The following RAD51B variants were observed in gnomAD, a reference collection of about 807,000 sequenced individuals.
RAD51B encodes RAD51 paralog B, also known as DNA repair protein RAD51 homolog 2.
RAD51B carries 38 observed loss-of-function variants against 42.2 expected under a neutral mutation model. The observed-to-expected ratio is 0.90, with a 90% confidence interval of 0.70 to 1.18. The LOEUF is 1.18. Ranked by LOEUF, RAD51B falls within the 50% of genes most tolerant of loss-of-function variation. RAD51B has a pLI of 0.00. For missense variants in RAD51B, 373 were observed against 400.7 expected, an observed-to-expected ratio of 0.93 and a Z score of 0.59; for synonymous variants, 154 against 145.2, an observed-to-expected ratio of 1.06 and a Z score of -0.43.
intron 5 of RAD51B, among the ~76,000 whole-genome samples, chr14:67,866,219 A>G (rs1321147255): frequency 1.3e-5 from 2 of 152,246 alleles, no homozygotes; most frequent in Non-Finnish European, 2.9e-5. Context: ...TTATTGATCA[A>G]TTGCTGTGTG....
chr14:67,962,986 T>C (rs955963274), intron 7 of RAD51B, among the ~76,000 whole-genome samples: 3 of 152,162 alleles, frequency 2.0e-5, no homozygotes, highest in Non-Finnish European at 4.4e-5. Flanking sequence ...ATCTATTCTT[T>C]GTGGTTTTGA....
intron 10 of RAD51B, among the ~76,000 whole-genome samples, chr14:68,571,141 C>T (rs1249808698): frequency 6.6e-6 from 1 of 152,182 alleles, no homozygotes; most frequent in Non-Finnish European, 1.5e-5. Context: ...GGCTGGAACA[C>T]AGGGCAGGTG....
At chr14:68,080,723 A>G (rs770296550) in intron 7 of RAD51B, among the ~76,000 whole-genome samples, 5 of 152,226 alleles carry the variant, frequency 3.3e-5, no homozygotes, top group East Asian at 1.9e-4. Context: ...CTACTTTCTC[A>G]TCTGAAAAAC....
At chr14:68,424,563 T>C (rs576434306) in intron 9 of RAD51B, among the ~76,000 whole-genome samples, 34 of 152,354 alleles carry the variant, frequency 2.2e-4, no homozygotes, top group Middle Eastern at 3.4e-3. Flanking sequence ...ATTGGAATGT[T>C]AGGCTCTTCT....
intron 8 of RAD51B, among the ~76,000 whole-genome samples, chr14:68,323,193 G>T (rs2082188699): frequency 6.6e-6 from 1 of 152,178 alleles, no homozygotes; most frequent in Non-Finnish European, 1.5e-5. Flanking sequence ...AGAGCAGATT[G>T]TAGGGAGGAA....
At chr14:68,313,494 G>A (rs536408836) in intron 8 of RAD51B, among the ~76,000 whole-genome samples, 8 of 152,308 alleles carry the variant, frequency 5.3e-5, no homozygotes, top group African/African-American at 1.9e-4. Flanking sequence ...CAGCTGAGTC[G>A]GGGGATGGCT....
chr14:68,595,639 A>T, exon 11 of RAD51B: 1 of 1,045,826 alleles, frequency 9.6e-7, no homozygotes, highest in Non-Finnish European at 1.2e-6. Context: ...TGTGTTATTT[A>T]TACTAGCAAA....
At chr14:68,056,652 G>A (rs1320196959) in intron 7 of RAD51B, among the ~76,000 whole-genome samples, 1 of 152,030 alleles carries the variant, frequency 6.6e-6, no homozygotes, top group African/African-American at 2.4e-5. Flanking sequence ...GGGAGGCTGA[G>A]GCAGAGAATA....
At chr14:67,951,729 C>G (rs1003362051) in intron 7 of RAD51B, among the ~76,000 whole-genome samples, 1 of 152,174 alleles carries the variant, frequency 6.6e-6, no homozygotes, top group African/African-American at 2.4e-5. Context: ...TAACTGACTT[C>G]ATACTATTCT....
chr14:68,062,729 A>G (rs2076587157), intron 7 of RAD51B, among the ~76,000 whole-genome samples: 1 of 151,328 alleles, frequency 6.6e-6, no homozygotes, highest in South Asian at 2.1e-4. Context: ...GAATCACTTG[A>G]ACCTAGGGGG....
chr14:68,025,248 G>C (rs1443766918), intron 7 of RAD51B, among the ~76,000 whole-genome samples: 4 of 152,232 alleles, frequency 2.6e-5, no homozygotes, highest in African/African-American at 9.6e-5. Flanking sequence ...CAGTTTGCTA[G>C]TATTTTGTTG....
At chr14:68,669,170 A>G (rs1893098488) in intron 11 of RAD51B, among the ~76,000 whole-genome samples, 1 of 152,242 alleles carries the variant, frequency 6.6e-6, no homozygotes, top group African/African-American at 2.4e-5. Flanking sequence ...ACTGTTGGAA[A>G]CAGTGGCCTC....
At chr14:68,482,067 G>A (rs1158888024), downstream of RAD51B, among the ~76,000 whole-genome samples, 2 of 151,964 alleles carry the variant, frequency 1.3e-5, no homozygotes, top group African/African-American at 4.8e-5. Context: ...TGCCAAGCTG[G>A]TACCACCCAT....
intron 5 of RAD51B, among the ~76,000 whole-genome samples, chr14:67,872,732 A>C (rs940200054): frequency 2.6e-5 from 4 of 151,230 alleles, no homozygotes; most frequent in Non-Finnish European, 5.9e-5. Flanking sequence ...TACTGGTACC[A>C]AAACAGAGAT....
intron 7 of RAD51B, among the ~76,000 whole-genome samples, chr14:67,962,377 G>A (rs2074687819): frequency 6.6e-6 from 1 of 152,008 alleles, no homozygotes; most frequent in South Asian, 2.1e-4. Context: ...TGGTAGAGAA[G>A]GTTCAACATC....
At chr14:68,419,605 A>G (rs1023348350) in intron 9 of RAD51B, among the ~76,000 whole-genome samples, 2 of 152,202 alleles carry the variant, frequency 1.3e-5, no homozygotes, top group African/African-American at 4.8e-5. Flanking sequence ...ATCCTGCCAC[A>G]GGGCTGGCTA....
intron 10 of RAD51B, among the ~76,000 whole-genome samples, chr14:68,617,440 C>G (rs894211144): frequency 4.6e-5 from 7 of 152,168 alleles, no homozygotes; most frequent in Admixed American, 4.6e-4. Flanking sequence ...CTTATAGCTT[C>G]TGGTCATTCT....
chr14:68,160,550 C>CT (rs2078616461), intron 7 of RAD51B, among the ~76,000 whole-genome samples: 1 of 152,172 alleles, frequency 6.6e-6, no homozygotes, highest in Non-Finnish European at 1.5e-5. Context: ...CTGATCCTGT[C>CT]TTTATTTAAA....
intron 10 of RAD51B, among the ~76,000 whole-genome samples, chr14:68,575,459 AT>A (rs544632064): frequency 1.1e-3 from 169 of 152,248 alleles, no homozygotes; most frequent in African/African-American, 1.8e-3. Context: ...GGTCTGGCTG[AT>A]TTGGACTGAA....
Sources: gnomAD v4.1 joint callset for allele counts (sites outside exome capture counted in the v4.1 genomes callset) on GRCh38, gnomAD v4.1.1 for gene constraint, MANE v1.5 for transcripts, NCBI Gene and HGNC (gene_info 2026-07-23, HGNC 2026-07-21) for gene names.